Variants in KCTD3 observed in about 807,000 individuals in gnomAD.
KCTD3 encodes potassium channel tetramerization domain containing 3, also known as BTB/POZ domain-containing protein KCTD3.
KCTD3 carries 41 observed loss-of-function variants against 85.8 expected under a neutral mutation model. The ratio of observed to expected loss-of-function variants is 0.48; its 90% CI spans 0.37 to 0.62. KCTD3 has a LOEUF of 0.62. Among genes scored for constraint, KCTD3 ranks in the 20% least tolerant of loss-of-function variants. The pLI is 0.00. For missense variants in KCTD3, 724 were observed against 989.9 expected (o/e 0.73, Z 3.60); for synonymous variants, 338 against 345.4 (o/e 0.98, Z 0.24).
chr1:215,604,385 G>C, intron 13 of KCTD3, 83 bp downstream of exon 13: 1 of 1,037,638 alleles, frequency 9.6e-7, no homozygotes, highest in Non-Finnish European at 1.4e-6. Context: ...GTGTTTATGT[G>C]AGAAAAATAT....
At chr1:215,568,112 G>A (rs1036103887) in intron 1 of KCTD3, among the ~76,000 whole-genome samples, 8 of 152,116 alleles carry the variant, frequency 5.3e-5, no homozygotes, top group Admixed American at 5.2e-4. Flanking sequence ...GTGTATTTGA[G>A]GACTTTATTT....
intron 15 of KCTD3, among the ~76,000 whole-genome samples, chr1:215,617,224 G>A (rs1247992761): frequency 6.6e-6 from 1 of 152,102 alleles, no homozygotes; most frequent in East Asian, 1.9e-4. Flanking sequence ...TCGTAAATGC[G>A]AGCTTTCCTT....
chr1:215,619,337 G>C, intron 17 of KCTD3, 46 bp downstream of exon 17: 1 of 1,505,394 alleles, frequency 6.6e-7, no homozygotes, highest in Non-Finnish European at 9.1e-7. Context: ...ATTTCTTTTG[G>C]GGAAATTGAC....
At position 215,577,625 on chromosome 1, in the gene KCTD3, C is replaced by T. The variant is rs755168952; in HGVS notation, c.258-45C>T. On this transcript the variant is annotated intron_variant, in intron 4 of 17. Transcript: ENST00000259154. ...TTTCCTTTCATGTCAGATGATAATA[C>T]AGGTTTCCAGTGTTAGAGAATTTAC... is the stretch of plus-strand genomic sequence containing the variant. 4 of 1,233,542 alleles carry T rather than the reference C, an allele frequency of 3.2e-6. No individual in the cohort carries two copies. The Admixed American group carries it at 5.1e-5, about 16-fold the overall frequency. The allele number at this position is 1,233,542 out of a possible 1,614,324, so 76.4% of individuals were successfully genotyped here.
chr1:215,583,839 T>G (rs1280975552), intron 8 of KCTD3, among the ~76,000 whole-genome samples: 1 of 152,192 alleles, frequency 6.6e-6, no homozygotes, highest in Non-Finnish European at 1.5e-5. Flanking sequence ...TGGTGAGAAC[T>G]CTGATTTCTG....
intron 8 of KCTD3, 140 bp from the exon 9 acceptor site, chr1:215,586,355 T>C: frequency 1.5e-6 from 1 of 661,824 alleles, no homozygotes; most frequent in Non-Finnish European, 2.5e-6. Context: ...AAATTTTATT[T>C]GTAATAGGAA....
In KCTD3 at chr1:215,573,977, C is replaced by T. The variant is rs189643528; in HGVS notation, c.138-96C>T. On this transcript the variant is annotated intron_variant, in intron 2 of 17. Coordinates refer to ENST00000259154, the MANE Select transcript of KCTD3 (RefSeq NM_016121.5). The stretch of plus-strand genomic sequence containing the variant: ...ATTTTTGAACTTGGAAGATAGATAA[C>T]TTACTTTTAGTGGTCTTTAACATTT... 2.5e-4 allele frequency: 258 copies of T among 1,035,316 alleles called. 4 individuals are homozygous for T. The African/African-American group carries it at 3.7e-3, about 15-fold the overall frequency. The allele number at this position is 1,035,316 out of a possible 1,614,324, so 64.1% of individuals were successfully genotyped here.
At position 215,567,690 on chromosome 1, in the gene KCTD3, C is replaced by A. The variant is rs773967382; in HGVS notation, c.5C>A (p.Ala2Glu). 1.6e-6 allele frequency: 2 copies of A among 1,239,302 alleles called. No individual in the cohort carries two copies. The allele number at this position is 1,239,302 out of a possible 1,614,324, so 76.8% of individuals were successfully genotyped here. ...GCGCGTCCGGAGCCGCCGGAGATGGCGGGAGGGCACTGCGGCAGCTTCCCC... is the reference window on the plus strand; with the variant it reads ...GCGCGTCCGGAGCCGCCGGAGATGGAGGGAGGGCACTGCGGCAGCTTCCCC... MAGGHCGSFPAA... is the reference protein window; with the variant it reads MEGGHCGSFPAA... Residue 2 changes from alanine (A) to glutamate (E), a missense_variant, in exon 1 of 18, where the codon GCG becomes GAG. Ala to Glu is a moderately radical substitution (Grantham distance 107, BLOSUM62 -1). This residue lies in a region of KCTD3 where 97 missense variants were observed against 115.7 expected (regional missense o/e 0.84). Coordinates refer to ENST00000259154, the MANE Select transcript of KCTD3 (RefSeq NM_016121.5).
At chr1:215,617,539 G>A (rs776158988) in intron 15 of KCTD3, among the ~76,000 whole-genome samples, 2 of 151,926 alleles carry the variant, frequency 1.3e-5, no homozygotes, top group African/African-American at 2.4e-5. Context: ...GCCAAGGAGT[G>A]AAGGACATTC....
chr1:215,618,670 T>C, intron 15 of KCTD3: 1 of 420,734 alleles, frequency 2.4e-6, no homozygotes, highest in Non-Finnish European at 4.2e-6. Context: ...TTGAGTATTA[T>C]CCTAATGATG....
rs573109025 is a variant in KCTD3, at chr1:215,582,841, C to T, written c.626+2842C>T. On this transcript the variant is annotated intron_variant, in intron 8 of 17. Transcript: ENST00000259154. ...CCTTCCAAAGTGCTGGGATTCCAGG[C>T]GTGAGCCACTGTGCCTGGCCTTGTT... 1.4e-3 allele frequency among the ~76,000 whole-genome samples: 207 copies of T among 152,254 alleles called. 6 individuals carry two copies. In the South Asian group the frequency reaches 0.041, roughly 30 times the overall value.
At chr1:215,584,342 T>C (rs1659934150) in intron 8 of KCTD3, among the ~76,000 whole-genome samples, 1 of 152,236 alleles carries the variant, frequency 6.6e-6, no homozygotes, top group Admixed American at 6.5e-5. Context: ...CAAAATAAGC[T>C]TTAGTCTTAT....
intron 13 of KCTD3, among the ~76,000 whole-genome samples, chr1:215,607,104 A>T (rs1291551797): frequency 6.6e-6 from 1 of 151,936 alleles, no homozygotes; most frequent in African/African-American, 2.4e-5. Context: ...ATTTCTTTCT[A>T]AAGTTTTGTT....
At chr1:215,599,089 AGAC>A (rs1315527152) in intron 10 of KCTD3, among the ~76,000 whole-genome samples, 1 of 152,242 alleles carries the variant, frequency 6.6e-6, no homozygotes, top group Non-Finnish European at 1.5e-5. Flanking sequence ...AGACACCAGA[AGAC>A]GACAACGGGC....
chr1:215,616,375 T>TA (rs1208005473), intron 15 of KCTD3, among the ~76,000 whole-genome samples: 19 of 152,254 alleles, frequency 1.2e-4, no homozygotes, highest in Non-Finnish European at 2.4e-4. Context: ...ATTTATGATT[T>TA]AAAAAAACCC....
chr1:215,617,231 C>G (rs1571903168), intron 15 of KCTD3, among the ~76,000 whole-genome samples: 2 of 152,214 alleles, frequency 1.3e-5, no homozygotes, highest in Admixed American at 6.5e-5. Flanking sequence ...TGCGAGCTTT[C>G]CTTTGAATTC....
rs770654552 is a variant in KCTD3 at position 215,608,172 on chromosome 1, G to A, written c.1465G>A (p.Gly489Arg). 6.2e-7 allele frequency: 1 copy of A among 1,606,624 alleles called. No individual in the cohort carries two copies. The highest frequency in any genetic ancestry group is 8.5e-7 in the Non-Finnish European group (1 of 1,176,606). ...HGSYSSGNDI[G>R]PFGERDDQQV... is the part of the protein sequence containing the mutation. ...TAGCTATTCCTCTGGAAATGACATA[G>A]GTGGGTTAGGTTATTTTAGGGCATT... Residue 489 changes from glycine (G) to arginine (R), a missense_variant and splice_region_variant, in exon 14 of 18, where the codon GGA (glycine) becomes AGA (arginine). Gly to Arg is a moderately radical substitution (Grantham distance 125). Transcript: ENST00000259154.
chr1:215,581,109 G>A (rs1272036745), intron 8 of KCTD3: 1 of 326,184 alleles, frequency 3.1e-6, no homozygotes, highest in Non-Finnish European at 6.0e-6. Context: ...AGCCAGGTGT[G>A]GTGATGCATG....
chr1:215,577,751 G>A (rs757158523), intron 5 of KCTD3, 23 bp downstream of exon 5: 2 of 1,543,824 alleles, frequency 1.3e-6, no homozygotes, highest in South Asian at 1.1e-5. Context: ...TTAATATTTG[G>A]TGTTTATGAT....
Sources: gnomAD v4.1 joint callset for allele counts (sites outside exome capture counted in the v4.1 genomes callset) on GRCh38, gnomAD v4.1.1 for gene constraint, gnomAD v4.1.1 regional missense constraint, MANE v1.5 for transcripts, NCBI Gene and HGNC (gene_info 2026-07-23, HGNC 2026-07-21) for gene names.